The following MLLT1 variants were observed in gnomAD, a reference collection of about 807,000 sequenced individuals.
MLLT1 encodes the protein MLLT1 super elongation complex subunit, also known as protein ENL.
A neutral mutation model predicts 55.1 loss-of-function variants in MLLT1; 11 were observed. That is an observed-to-expected ratio of 0.20 (90% CI 0.13 to 0.33). The LOEUF (loss-of-function observed/expected upper bound fraction) is 0.33. Among genes scored for constraint, MLLT1 ranks in the 10% least tolerant of loss-of-function variants. MLLT1 has a pLI of 1.00. For synonymous variants in MLLT1, 323 were observed against 320.1 expected (o/e 1.01, Z -0.10); for missense variants, 536 against 760.6 (o/e 0.70, Z 3.47).
Position 6,256,280 on chromosome 19 carries a change from T to C in MLLT1, c.276+5948A>G, listed in dbSNP as rs1020063196. Among the ~76,000 whole-genome samples the C allele has an allele frequency of 2.0e-5, 3 of 151,406 alleles. No individual in the cohort carries two copies. The highest frequency in any genetic ancestry group is 4.4e-5 in the Non-Finnish European group (3 of 67,916). On this transcript the variant is annotated intron_variant, in intron 3 of 11. Transcript: ENST00000252674. This position sits in a 1 kb window ranked among gnomAD's most constrained non-coding sequence, Gnocchi z 4.1. Reference sequence around the variant, plus strand: ...AAAAAGACCAGCCTGGGCAACACAATGGGACCCCATCTCTACAAAAATAAT... The same window carrying C: ...AAAAAGACCAGCCTGGGCAACACAACGGGACCCCATCTCTACAAAAATAAT...
Position 6,240,431 on chromosome 19 carries a change from G to A in MLLT1, c.277-9718C>T, listed in dbSNP as rs938770341. Among the ~76,000 whole-genome samples the A allele has an allele frequency of 2.6e-5, 4 of 152,240 alleles. No individual in the cohort carries two copies. Among genetic ancestry groups the A allele is most frequent in the Non-Finnish European group, 5.9e-5 (4 of 68,040 alleles). ...AGACACAGCAGGTGACGCAGAGGGC[G>A]GGCTCCAAGCGGAGCTGGCACCCGG... On this transcript the variant is annotated intron_variant, in intron 3 of 11. Coordinates refer to ENST00000252674, the MANE Select transcript of MLLT1 (RefSeq NM_005934.4). The surrounding 1 kb of genome is among the most constrained non-coding windows in gnomAD (Gnocchi z 4.7).
In MLLT1 at chr19:6,273,788, T is replaced by A. The variant is rs186762438; in HGVS notation, c.13-3029A>T. On this transcript the variant is annotated intron_variant, in intron 1 of 11. Coordinates refer to ENST00000252674, the MANE Select transcript of MLLT1 (RefSeq NM_005934.4). The surrounding 1 kb of genome is among the most constrained non-coding windows in gnomAD (Gnocchi z 4.3). ...CTGACTCCCACACAATGACAGTGTC[T>A]CCTCGGAATCGCTTATTCACTGACC... Among the ~76,000 whole-genome samples, 1 of 152,300 alleles carries A rather than the reference T, an allele frequency of 6.6e-6. No homozygotes were observed. Among genetic ancestry groups the A allele is most frequent in the Non-Finnish European group, 1.5e-5 (1 of 68,032 alleles).
At position 6,227,197 on chromosome 19, in the gene MLLT1, G is replaced by A; in HGVS notation, c.421-95C>T. 1 of 1,328,598 alleles carries A rather than the reference G, an allele frequency of 7.5e-7. No homozygotes were observed. Among genetic ancestry groups the A allele is most frequent in the South Asian group, 1.4e-5 (1 of 71,072 alleles). 82.3% of individuals were successfully genotyped at this position (1,328,598 alleles called of 1,614,324 possible). A position where few individuals can be genotyped will look rare whatever the true frequency, so the allele number is the denominator to read the frequency against. On this transcript the variant is annotated intron_variant, in intron 4 of 11. Transcript: ENST00000252674. The surrounding 1 kb of genome is among the most constrained non-coding windows in gnomAD (Gnocchi z 5.1). ...GGTGGTGGGGCTTCCCTCTGCAGGA[G>A]GGGAGAAGGGAGAGCCTGAGCGCTT...
In MLLT1 at chr19:6,240,760, GGAGGAGCT is replaced by G. The variant is rs111704155; in HGVS notation, c.277-10055_277-10048del. Among the ~76,000 whole-genome samples, 404 of 152,202 alleles carry G rather than the reference GGAGGAGCT, an allele frequency of 2.7e-3. 1 individual carries two copies. The highest frequency in any genetic ancestry group is 9.3e-3 in the African/African-American group (385 of 41,536). ...ATTCAGGGGCAGAGGGAAGGAAAAG[GGAGGAGCT>G]CCAGTTCCTACCCTGCGTCCTTCTG... On this transcript the variant is annotated intron_variant, in intron 3 of 11. Transcript: ENST00000252674. The surrounding 1 kb of genome is among the most constrained non-coding windows in gnomAD (Gnocchi z 4.7).
Position 6,273,841 on chromosome 19 carries a change from C to T in MLLT1, c.13-3082G>A, listed in dbSNP as rs1002210730. Among the ~76,000 whole-genome samples the T allele has an allele frequency of 2.5e-4, 38 of 152,334 alleles. No homozygotes were observed. Among genetic ancestry groups the T allele is most frequent in the African/African-American group, 8.4e-4 (35 of 41,574 alleles). ...GCCACTCAGACCTCGGCCGACTTCC[C>T]GGCATTTCTGATGACAGGGAGTTCC... is the stretch of plus-strand genomic sequence containing the variant. On this transcript the variant is annotated intron_variant, in intron 1 of 11. Transcript: ENST00000252674. The surrounding 1 kb of genome is among the most constrained non-coding windows in gnomAD (Gnocchi z 4.3).
Position 6,216,510 on chromosome 19 carries a change from G to T in MLLT1, c.1202C>A (p.Pro401His). The change falls in exon 8 of 12, where the codon CCC becomes CAC. Residue 401 changes from proline to histidine, a missense_variant. Coordinates refer to ENST00000252674, the MANE Select transcript of MLLT1 (RefSeq NM_005934.4). ...CAGGTCCTCCACCATGGAGCGCAGG[G>T]GTCCTGGGGAGGCGGGGCAGGGAGG... ...FEPSQNHSQGPLRSMVEDLQS... is the reference protein window; with the variant it reads ...FEPSQNHSQGHLRSMVEDLQS... 1 of 1,590,792 alleles carries T rather than the reference G, an allele frequency of 6.3e-7. No homozygotes were observed. Among genetic ancestry groups the T allele is most frequent in the East Asian group, 2.3e-5 (1 of 43,966 alleles).
intron 1 of MLLT1, among the ~76,000 whole-genome samples, chr19:6,277,746 A>G (rs1268993605): frequency 2.0e-5 from 3 of 152,294 alleles, no homozygotes; most frequent in Admixed American, 1.3e-4. Flanking sequence ...GAAGGAGGAA[A>G]GGGGCCATAC....
intron 6 of MLLT1, 147 bp from the exon 7 acceptor site, chr19:6,218,188 G>A (rs1024998988): frequency 4.5e-5 from 56 of 1,257,770 alleles, no homozygotes; most frequent in Non-Finnish European, 5.3e-5. Flanking sequence ...CACGTGTGCC[G>A]CTGAGAACCC....
At chr19:6,274,825 C>G (rs2091419889) in intron 1 of MLLT1, among the ~76,000 whole-genome samples, 1 of 152,248 alleles carries the variant, frequency 6.6e-6, no homozygotes, top group African/African-American at 2.4e-5. Context: ...CACGAGCGCT[C>G]CAAGGGCCAT....
chr19:6,271,207 T>C (rs1274640212), intron 1 of MLLT1, among the ~76,000 whole-genome samples: 6 of 152,180 alleles, frequency 3.9e-5, no homozygotes, highest in Admixed American at 3.9e-4. Context: ...CCCATCACTC[T>C]ATCATAGAGG....
chr19:6,262,182 G>T lies in MLLT1; in HGVS notation c.276+46C>A. 1.3e-6 allele frequency: 2 copies of T among 1,506,318 alleles called. No homozygotes were observed. Among genetic ancestry groups the T allele is most frequent in the Non-Finnish European group, 1.8e-6 (2 of 1,082,908 alleles). The allele number at this position is 1,506,318 out of a possible 1,614,324, so 93.3% of individuals were successfully genotyped here. On this transcript the variant is annotated intron_variant, in intron 3 of 11. Coordinates refer to ENST00000252674, the MANE Select transcript of MLLT1 (RefSeq NM_005934.4). The surrounding 1 kb of genome is among the most constrained non-coding windows in gnomAD (Gnocchi z 4.4). ...GAACTGCCGTGGCACCCGGAGCAGG[G>T]GTCCCCACAGAGAGGCATCCTGCTT... is the stretch of plus-strand genomic sequence containing the variant.
intron 3 of MLLT1, among the ~76,000 whole-genome samples, chr19:6,261,231 C>G (rs1340788110): frequency 6.6e-6 from 1 of 152,208 alleles, no homozygotes; most frequent in Non-Finnish European, 1.5e-5. Flanking sequence ...TCCAACAAAG[C>G]CTCAGAATGA....
At chr19:6,213,672 T>TGCCCC in intron 10 of MLLT1, 54 bp downstream of exon 10, 4 of 1,075,328 alleles carry the variant, frequency 3.7e-6, no homozygotes, top group Non-Finnish European at 5.7e-6. Context: ...TGGCTGCAAC[T>TGCCCC]CCCACCACCC....
chr19:6,213,955 G>A lies in MLLT1; in HGVS notation c.1391C>T (p.Pro464Leu). 2 of 1,453,382 alleles carry A rather than the reference G, an allele frequency of 1.4e-6. No individual in the cohort carries two copies. Among genetic ancestry groups the A allele is most frequent in the Non-Finnish European group, 1.8e-6 (2 of 1,099,292 alleles). 90.0% of individuals were successfully genotyped at this position (1,453,382 alleles called of 1,614,324 possible). The stretch of plus-strand genomic sequence containing the variant: ...CAGGCTCACCTTGCTGTTGGGCGGG[G>A]GTGGCTTCTGGGGGGGTGGGGGCTC... Reference protein sequence around the residue: ...SREPPPPQKPPPPNSKVSGRR... With the variant: ...SREPPPPQKPLPPNSKVSGRR... Residue 464 changes from proline to leucine, a missense_variant, in exon 9 of 12, where the codon CCC becomes CTC. Pro to Leu is a moderately conservative substitution (Grantham distance 98). Coordinates refer to ENST00000252674, the MANE Select transcript of MLLT1 (RefSeq NM_005934.4).
intron 6 of MLLT1, among the ~76,000 whole-genome samples, chr19:6,220,784 T>C (rs1291231776): frequency 6.6e-6 from 1 of 152,174 alleles, no homozygotes; most frequent in Non-Finnish European, 1.5e-5. Context: ...AGGGCTGTGG[T>C]TGCTGCACAG....
rs908661309 is a variant in MLLT1, at chr19:6,235,831, C to A, written c.277-5118G>T. On this transcript the variant is annotated intron_variant, in intron 3 of 11. Transcript: ENST00000252674. This position sits in a 1 kb window ranked among gnomAD's most constrained non-coding sequence, Gnocchi z 5.5. ...TCCTCGGTGCAGCCAGAGGGACATG[C>A]TGCCTTCTTCCACGCCTCCTCCACC... Among the ~76,000 whole-genome samples the A allele has an allele frequency of 1.2e-4, 19 of 152,280 alleles. No individual in the cohort carries two copies. The highest frequency in any genetic ancestry group is 4.3e-4 in the African/African-American group (18 of 41,572).
rs185229622 is a variant in MLLT1 at position 6,257,053 on chromosome 19, G to A, written c.276+5175C>T. Among the ~76,000 whole-genome samples, 79 of 152,312 alleles carry A rather than the reference G, an allele frequency of 5.2e-4. 1 individual carries two copies. Among genetic ancestry groups the A allele is most frequent in the South Asian group, 2.5e-3 (12 of 4,830 alleles). On this transcript the variant is annotated intron_variant, in intron 3 of 11. Coordinates refer to ENST00000252674, the MANE Select transcript of MLLT1 (RefSeq NM_005934.4). ...ACTCGAAAATGGATCAACTCTCTACGTATAAGGACTACAACTATGAAACTG... is the reference window on the plus strand; with the variant it reads ...ACTCGAAAATGGATCAACTCTCTACATATAAGGACTACAACTATGAAACTG...
intron 3 of MLLT1, among the ~76,000 whole-genome samples, chr19:6,238,805 C>T (rs1197310659): frequency 6.6e-6 from 1 of 151,498 alleles, no homozygotes; most frequent in Non-Finnish European, 1.5e-5. Context: ...CCTTCTCCAC[C>T]AGGGCCTTCT....
At chr19:6,246,514 C>T (rs2091170503) in intron 3 of MLLT1, among the ~76,000 whole-genome samples, 1 of 152,082 alleles carries the variant, frequency 6.6e-6, no homozygotes, top group Non-Finnish European at 1.5e-5. Flanking sequence ...GTGCGCTTTG[C>T]TAAGTGAAAG....
Sources: allele counts gnomAD v4.1 joint callset (sites outside exome capture counted in the v4.1 genomes callset), GRCh38; gene constraint gnomAD v4.1.1; non-coding constraint Gnocchi (gnomAD v3.1); transcripts MANE v1.5; gene names NCBI Gene and HGNC (gene_info 2026-07-23, HGNC 2026-07-21).